The following FAM184B variants were observed in gnomAD, a reference collection of about 807,000 sequenced individuals.
FAM184B encodes protein FAM184B.
FAM184B carries 111 observed loss-of-function variants against 135.9 expected under a neutral mutation model. The observed-to-expected ratio is 0.82, with a 90% CI of 0.70 to 0.96. FAM184B has a LOEUF of 0.96. Ranked by LOEUF, FAM184B falls within the 40% of genes least tolerant of loss-of-function variation. The pLI is 0.00. For synonymous variants in FAM184B, 552 were observed against 524.8 expected, an observed-to-expected ratio of 1.05 and a Z score of -0.71; for missense variants, 1,375 against 1,323.9, an observed-to-expected ratio of 1.04 and a Z score of -0.60.
intron 1 of FAM184B, among the ~76,000 whole-genome samples, chr4:17,713,918 C>T (rs543648380): frequency 2.0e-5 from 3 of 152,228 alleles, no homozygotes; most frequent in East Asian, 1.9e-4. Flanking sequence ...CAATGCACTG[C>T]GATGAGTACT....
chr4:17,657,578 C>T (rs527640799), intron 10 of FAM184B, among the ~76,000 whole-genome samples: 1 of 152,182 alleles, frequency 6.6e-6, no homozygotes, highest in Non-Finnish European at 1.5e-5. Flanking sequence ...CCTGAACCAC[C>T]CCACCAGATT....
At chr4:17,676,016 C>A (rs1009136327) in intron 7 of FAM184B, among the ~76,000 whole-genome samples, 8 of 152,188 alleles carry the variant, frequency 5.3e-5, no homozygotes, top group African/African-American at 1.9e-4. Context: ...TCATTTCTTT[C>A]AATAACTTTT....
chr4:17,650,913 T>A (rs892001187), intron 11 of FAM184B, among the ~76,000 whole-genome samples: 1 of 152,004 alleles, frequency 6.6e-6, no homozygotes, highest in African/African-American at 2.4e-5. Context: ...TTTTTTTTTT[T>A]AAAGAGATGG....
intron 1 of FAM184B, among the ~76,000 whole-genome samples, chr4:17,734,176 T>C (rs1417606927): frequency 1.3e-5 from 2 of 152,144 alleles, no homozygotes; most frequent in East Asian, 1.9e-4. Context: ...ATACAAAAAT[T>C]AATTCAAGAT....
chr4:17,730,309 G>A (rs956467971), intron 1 of FAM184B, among the ~76,000 whole-genome samples: 27 of 152,320 alleles, frequency 1.8e-4, no homozygotes, highest in Admixed American at 3.3e-4. Context: ...TGAAAGTGAC[G>A]GGGAGAATGG....
chr4:17,706,474 T>C (rs78483248), intron 3 of FAM184B, among the ~76,000 whole-genome samples: 1 of 152,302 alleles, frequency 6.6e-6, no homozygotes, highest in East Asian at 1.9e-4. Context: ...ATGAGCTCCC[T>C]GAAGGCAGCT....
At chr4:17,680,700 A>C (rs1403294459) in intron 7 of FAM184B, among the ~76,000 whole-genome samples, 1 of 152,162 alleles carries the variant, frequency 6.6e-6, no homozygotes, top group East Asian at 1.9e-4. Flanking sequence ...GCACGGAAAA[A>C]TAAATAGATC....
chr4:17,744,124 T>C (rs1718103894), intron 1 of FAM184B, among the ~76,000 whole-genome samples: 1 of 152,204 alleles, frequency 6.6e-6, no homozygotes. Context: ...GCCTGATCTC[T>C]AGACTCAGTT....
At chr4:17,653,021 G>C in intron 10 of FAM184B, 38 bp from the exon 11 acceptor site, 2 of 1,548,464 alleles carry the variant, frequency 1.3e-6, no homozygotes, top group Non-Finnish European at 1.7e-6. Context: ...CATGAAAGTG[G>C]GCATGAGGGT....
intron 11 of FAM184B, among the ~76,000 whole-genome samples, chr4:17,649,206 AG>A (rs1462040684): frequency 6.6e-6 from 1 of 152,232 alleles, no homozygotes; most frequent in Non-Finnish European, 1.5e-5. Flanking sequence ...TCATTATAAA[AG>A]CTTTCCTATA....
At chr4:17,773,826 C>G (rs553061080) in intron 1 of FAM184B, among the ~76,000 whole-genome samples, 2 of 152,200 alleles carry the variant, frequency 1.3e-5, no homozygotes, top group African/African-American at 4.8e-5. Flanking sequence ...ATCCGCCTGC[C>G]TTGGCCTCCC....
chr4:17,769,533 G>C (rs1718767438), intron 1 of FAM184B, among the ~76,000 whole-genome samples: 2 of 152,162 alleles, frequency 1.3e-5, no homozygotes, highest in South Asian at 4.1e-4. Context: ...ATTGTGGTCA[G>C]GGGCTGGGAG....
rs1715614563 is a variant in FAM184B, at chr4:17,651,511, C to T, written c.2191+1319G>A. Among the ~76,000 whole-genome samples the T allele has an allele frequency of 2.7e-5, 3 of 112,786 alleles. No homozygotes were observed. In the South Asian group the frequency reaches 9.2e-4, roughly 34 times the overall value. The allele number at this position is 112,786 out of a possible 152,430, so 74.0% of individuals were successfully genotyped here. ...TGAGATCATGCCACTGCACTCCAGC[C>T]TGGGCGACAGAGCAAGACTCTGTCT... On this transcript the variant is annotated intron_variant, in intron 11 of 17. Transcript: ENST00000265018.
intron 12 of FAM184B, among the ~76,000 whole-genome samples, chr4:17,643,841 G>A (rs192556717): frequency 2.6e-5 from 4 of 152,302 alleles, no homozygotes; most frequent in Non-Finnish European, 4.4e-5. Context: ...GTGGGGGTGG[G>A]GAGGCGATGA....
At chr4:17,742,307 A>T (rs1718065216) in intron 1 of FAM184B, among the ~76,000 whole-genome samples, 1 of 151,824 alleles carries the variant, frequency 6.6e-6, no homozygotes, top group Non-Finnish European at 1.5e-5. Flanking sequence ...CATCTCTACA[A>T]AAAATTTAAA....
chr4:17,690,390 T>C (rs1023646096), intron 6 of FAM184B, among the ~76,000 whole-genome samples: 1 of 151,992 alleles, frequency 6.6e-6, no homozygotes, highest in Non-Finnish European at 1.5e-5. Context: ...CCTTGGAGGA[T>C]AGTGGTAGCA....
At chr4:17,734,310 C>G (rs908625662) in intron 1 of FAM184B, among the ~76,000 whole-genome samples, 71 of 152,260 alleles carry the variant, frequency 4.7e-4, no homozygotes, top group African/African-American at 1.7e-3. Context: ...GCAATGGCAA[C>G]AAAAGCCAAA....
chr4:17,641,581 C>T (rs1406693352), intron 13 of FAM184B, among the ~76,000 whole-genome samples: 2 of 132,404 alleles, frequency 1.5e-5, no homozygotes, highest in African/African-American at 5.8e-5. Context: ...CGAGTTCACG[C>T]GATTTTCCTG....
chr4:17,707,754 G>C lies in FAM184B; in HGVS notation c.925C>G (p.Gln309Glu). 1 of 1,551,982 alleles carries C rather than the reference G, an allele frequency of 6.4e-7. No individual in the cohort carries two copies. The highest frequency in any genetic ancestry group is 1.4e-5 in the African/African-American group (1 of 73,168). ...GTGCCTTTCAACTCTGAATTCTCCT[G>C]TCGAGCCTCCTTAAGCTGCACATCC... ...DLDVQLKEAR[Q>E]ENSELKGTAK... is the part of the protein sequence containing the mutation. The change falls in exon 3 of 18, where the codon CAG becomes GAG. Residue 309 changes from glutamine (Q) to glutamate (E), a missense_variant. Transcript: ENST00000265018.
Sources: allele counts gnomAD v4.1 joint callset (sites outside exome capture counted in the v4.1 genomes callset), GRCh38; gene constraint gnomAD v4.1.1; transcripts MANE v1.5; gene names NCBI Gene and HGNC (gene_info 2026-07-23, HGNC 2026-07-21).